The following ARHGAP28 variants were observed in gnomAD, a reference collection of about 807,000 sequenced individuals.
ARHGAP28 encodes the protein rho GTPase-activating protein 28.
Under a neutral mutation model 90.7 loss-of-function variants are expected in ARHGAP28, and 56 were observed. The ratio of observed to expected loss-of-function variants is 0.62; its 90% CI spans 0.50 to 0.77. ARHGAP28 has a LOEUF of 0.77. Among genes scored for constraint, ARHGAP28 ranks in the 30% least tolerant of loss-of-function variants. The pLI is 0.00. For synonymous variants in ARHGAP28, 308 were observed against 323.3 expected (o/e 0.95, Z 0.51); for missense variants, 869 against 900.9 (o/e 0.96, Z 0.45).
intron 1 of ARHGAP28, among the ~76,000 whole-genome samples, chr18:6,761,253 T>C (rs941770183): frequency 4.6e-5 from 7 of 152,266 alleles, no homozygotes; most frequent in African/African-American, 1.7e-4. Flanking sequence ...TGACATTTCA[T>C]AGGTGTATTC....
chr18:6,870,738 C>A lies in ARHGAP28; in HGVS notation c.954+6C>A, dbSNP rs2057077377. ...AAGAAGACTATGTTTTAACTGTAAG[C>A]AAAACCTTTCATGATTATTCCAGGA... On this transcript the variant is annotated splice_donor_region_variant and intron_variant, in intron 7 of 17. Coordinates refer to ENST00000383472, the MANE Select transcript of ARHGAP28 (RefSeq NM_001366230.1). 6.3e-7 allele frequency: 1 copy of A among 1,588,742 alleles called. No individual in the cohort carries two copies. The highest frequency in any genetic ancestry group is 8.5e-7 in the Non-Finnish European group (1 of 1,172,810).
chr18:6,858,394 A>G (rs985844764), intron 4 of ARHGAP28, among the ~76,000 whole-genome samples: 1 of 152,026 alleles, frequency 6.6e-6, no homozygotes, highest in Non-Finnish European at 1.5e-5. Context: ...TACACCTACA[A>G]ATTTCTCATT....
intron 1 of ARHGAP28, among the ~76,000 whole-genome samples, chr18:6,795,016 G>T (rs766977278): frequency 3.9e-5 from 6 of 152,146 alleles, no homozygotes; most frequent in Non-Finnish European, 8.8e-5. Flanking sequence ...TTAGATGCAT[G>T]AAGAAAAGTT....
intron 17 of ARHGAP28, among the ~76,000 whole-genome samples, chr18:6,909,264 T>G (rs577879011): frequency 4.9e-4 from 38 of 78,166 alleles, no homozygotes; most frequent in African/African-American, 1.4e-3. Context: ...TCTTTTCTTT[T>G]CTTTTCTTTG....
At chr18:6,839,540 G>A (rs192537421) in intron 3 of ARHGAP28, among the ~76,000 whole-genome samples, 292 of 152,086 alleles carry the variant, frequency 1.9e-3, no homozygotes, top group Admixed American at 4.3e-3. Flanking sequence ...CTCGTGATCC[G>A]CCTGCCTCGG....
At chr18:6,822,093 T>G (rs1471626111) in intron 1 of ARHGAP28, among the ~76,000 whole-genome samples, 2 of 152,078 alleles carry the variant, frequency 1.3e-5, no homozygotes, top group Non-Finnish European at 2.9e-5. Flanking sequence ...AACAAAGCAG[T>G]TTATAGAACA....
At chr18:6,839,499 C>A (rs530186880) in intron 3 of ARHGAP28, among the ~76,000 whole-genome samples, 9 of 151,898 alleles carry the variant, frequency 5.9e-5, no homozygotes, top group Non-Finnish European at 1.0e-4. Flanking sequence ...GGGTTTCACC[C>A]TGTTAGCCAG....
At chr18:6,774,410 AAATTGCCATTTTTTAACCTC>A (rs1244501559) in intron 1 of ARHGAP28, among the ~76,000 whole-genome samples, 1 of 152,178 alleles carries the variant, frequency 6.6e-6, no homozygotes, top group Non-Finnish European at 1.5e-5. Context: ...TATTGATAGT[AAATTGCCATTTTTTAACCTC>A]TCACAGCAGA....
intron 1 of ARHGAP28, among the ~76,000 whole-genome samples, chr18:6,796,071 C>G (rs912770105): frequency 6.6e-6 from 1 of 152,178 alleles, no homozygotes; most frequent in African/African-American, 2.4e-5. Flanking sequence ...AAATGTAGAG[C>G]AACATACATG....
intron 3 of ARHGAP28, among the ~76,000 whole-genome samples, chr18:6,846,289 G>A (rs2143184856): frequency 6.6e-6 from 1 of 152,278 alleles, no homozygotes. Flanking sequence ...TGATGAAGAT[G>A]GCGATGATGA....
chr18:6,764,882 C>T (rs1213954038), intron 1 of ARHGAP28, among the ~76,000 whole-genome samples: 3 of 151,986 alleles, frequency 2.0e-5, no homozygotes, highest in Non-Finnish European at 2.9e-5. Flanking sequence ...CTTTACAACG[C>T]GCTTAACCAA....
At chr18:6,877,090 A>C (rs1414191054) in intron 10 of ARHGAP28, among the ~76,000 whole-genome samples, 1 of 152,132 alleles carries the variant, frequency 6.6e-6, no homozygotes, top group Non-Finnish European at 1.5e-5. Context: ...TATCAAAAAG[A>C]CATTTGTAGA....
intron 16 of ARHGAP28, among the ~76,000 whole-genome samples, chr18:6,907,110 T>G (rs775911591): frequency 6.6e-6 from 1 of 152,194 alleles, no homozygotes; most frequent in Non-Finnish European, 1.5e-5. Context: ...AATTGCATAT[T>G]ACTACACACC....
chr18:6,897,564 T>C (rs745998793), intron 16 of ARHGAP28: 1 of 152,220 alleles, frequency 6.6e-6, no homozygotes, highest in Non-Finnish European at 1.5e-5. Context: ...TTGTAGAGCA[T>C]GTATGATTTG....
intron 1 of ARHGAP28, among the ~76,000 whole-genome samples, chr18:6,799,885 C>G (rs1248183772): frequency 6.6e-6 from 1 of 152,136 alleles, no homozygotes; most frequent in African/African-American, 2.4e-5. Flanking sequence ...AACTAAAGAG[C>G]TAATGCACAG....
chr18:6,871,691 C>T (rs1207546405), intron 7 of ARHGAP28, among the ~76,000 whole-genome samples: 1 of 152,094 alleles, frequency 6.6e-6, no homozygotes, highest in Non-Finnish European at 1.5e-5. Context: ...CGGTTGGATG[C>T]TTGATGAGCA....
intron 3 of ARHGAP28, among the ~76,000 whole-genome samples, chr18:6,841,222 T>TCTCTCTCTCTCTCTCTCTCCC (rs1555631541): frequency 1.0e-5 from 1 of 100,106 alleles, no homozygotes; most frequent in Non-Finnish European, 2.0e-5. Flanking sequence ...TCTCTCTCTC[T>TCTCTCTCTCTCTCTCTCTCCC]CCCCCCAACC....
At position 6,766,586 on chromosome 18, in the gene ARHGAP28, T is replaced by C. The variant is rs1024342517; in HGVS notation, c.122+36643T>C. Reference sequence around the variant, plus strand: ...ACAGCGCCAATGCCAGCTCCTCTGATGGGCAGTTTCTGCTGGGGGATCTCT... The same window carrying C: ...ACAGCGCCAATGCCAGCTCCTCTGACGGGCAGTTTCTGCTGGGGGATCTCT... On this transcript the variant is annotated intron_variant, in intron 1 of 17. Coordinates refer to ENST00000383472, the MANE Select transcript of ARHGAP28 (RefSeq NM_001366230.1). Among the ~76,000 whole-genome samples, 7 of 152,238 alleles carry C rather than the reference T, an allele frequency of 4.6e-5. No individual in the cohort carries two copies. In the East Asian group the frequency reaches 1.4e-3, roughly 29 times the overall value.
chr18:6,870,753 T>A, intron 7 of ARHGAP28, 21 bp downstream of exon 7: 1 of 1,580,070 alleles, frequency 6.3e-7, no homozygotes, highest in Non-Finnish European at 8.6e-7. Flanking sequence ...CCTTTCATGA[T>A]TATTCCAGGA....
Sources: gnomAD v4.1 joint callset for allele counts (sites outside exome capture counted in the v4.1 genomes callset) on GRCh38, gnomAD v4.1.1 for gene constraint, MANE v1.5 for transcripts, NCBI Gene and HGNC (gene_info 2026-07-23, HGNC 2026-07-21) for gene names.